MBD5: variants seen among roughly 807,000 people sequenced by gnomAD.
MBD5 encodes the protein methyl-CpG binding domain protein 5, also known as methyl-CpG-binding domain protein 5.
A neutral mutation model predicts 117.3 loss-of-function variants in MBD5; 13 were observed. That is an observed-to-expected ratio of 0.11 (90% CI 0.07 to 0.18). The LOEUF (loss-of-function observed/expected upper bound fraction) is 0.18, where lower values mean the gene tolerates loss of function less well. Ranked by LOEUF, MBD5 falls within the 10% of genes least tolerant of loss-of-function variation. The probability of loss-of-function intolerance (pLI) is 1.00; values close to 1 mark genes in which losing one functional copy is unlikely to be tolerated. For synonymous variants in MBD5, 727 were observed against 766.4 expected (o/e 0.95, Z 0.85); for missense variants, 1,879 against 2,093.8 (o/e 0.90, Z 2.00).
chr2:148,139,136 A>T (rs1697244780), intron 1 of MBD5, among the ~76,000 whole-genome samples: 1 of 152,146 alleles, frequency 6.6e-6, no homozygotes, highest in African/African-American at 2.4e-5. Flanking sequence ...TTATACAGAG[A>T]CTGGGCTCAG....
chr2:148,497,593 G>A (rs1681740774), intron 11 of MBD5, among the ~76,000 whole-genome samples: 1 of 151,992 alleles, frequency 6.6e-6, no homozygotes, highest in South Asian at 2.1e-4. Flanking sequence ...GGAGGCTAAG[G>A]TAGGATGATC....
chr2:148,255,393 A>G (rs1030615715), intron 3 of MBD5, among the ~76,000 whole-genome samples: 1 of 152,168 alleles, frequency 6.6e-6, no homozygotes. Context: ...CCATTCCCCT[A>G]TGAGCAGTCA....
In MBD5 at chr2:148,463,751, G is replaced by T; in HGVS notation, c.229G>T (p.Asp77Tyr). The T allele has an allele frequency of 6.2e-7, 1 of 1,613,464 alleles. No homozygotes were observed. The highest frequency in any genetic ancestry group is 8.5e-7 in the Non-Finnish European group (1 of 1,179,624). ...GTGCTTTTTCCAGGTATTTAATTTT[G>T]ATCCTGGAGCTGCTGTGAAACAGAG... ...PLILPKVFNF[D>Y]PGAAVKQRTA... is the part of the protein sequence containing the mutation. The change falls in exon 7 of 14, where the codon GAT becomes TAT. Residue 77 changes from aspartate to tyrosine, a missense_variant. Asp to Tyr is a radical substitution (Grantham distance 160). Transcript: ENST00000642680.
rs150865866 is a variant in MBD5 at position 148,515,280 on chromosome 2, A to C, written c.*2339A>C. 5.3e-5 allele frequency: 8 copies of C among 152,160 alleles called. No individual in the cohort carries two copies. The East Asian group carries it at 1.5e-3, about 29-fold the overall frequency. 9.4% of individuals were successfully genotyped at this position (152,160 alleles called of 1,614,324 possible). A position where few individuals can be genotyped will look rare whatever the true frequency, so the allele number is the denominator to read the frequency against. On this transcript the variant is annotated 3_prime_UTR_variant, in exon 14 of 14. Coordinates refer to ENST00000642680, the MANE Select transcript of MBD5 (RefSeq NM_001378120.1). ...GCCTTCTTTTTGGTATTTTGAGCTA[A>C]TTCAGTTTGTGCTTCCCTCCCATTG...
At chr2:148,368,694 C>T (rs2105351418) in intron 4 of MBD5, among the ~76,000 whole-genome samples, 1 of 151,946 alleles carries the variant, frequency 6.6e-6, no homozygotes, top group South Asian at 2.1e-4. Context: ...TTATAACACA[C>T]TATATAAAAT....
chr2:148,302,412 A>AG (rs1293716845), intron 3 of MBD5, among the ~76,000 whole-genome samples: 4 of 152,316 alleles, frequency 2.6e-5, no homozygotes, highest in African/African-American at 9.6e-5. Flanking sequence ...TAACCTTTAA[A>AG]GCTACCTAAG....
intron 3 of MBD5, among the ~76,000 whole-genome samples, chr2:148,252,080 G>A (rs559584823): frequency 6.6e-6 from 1 of 152,232 alleles, no homozygotes; most frequent in East Asian, 1.9e-4. Flanking sequence ...GCTATCAAGA[G>A]CGTCCAGGAA....
At chr2:148,020,984 TCCTCC>T, upstream of MBD5, 1 of 152,058 alleles carries the variant, frequency 6.6e-6, no homozygotes. Flanking sequence ...ATAGCTCATT[TCCTCC>T]CCTCCCCCTC....
intron 3 of MBD5, among the ~76,000 whole-genome samples, chr2:148,303,986 G>T (rs150455389): frequency 6.6e-6 from 1 of 152,064 alleles, no homozygotes; most frequent in African/African-American, 2.4e-5. Context: ...AAAGCCTAAC[G>T]CTGATGAACT....
intron 1 of MBD5, among the ~76,000 whole-genome samples, chr2:148,170,516 GTTTTA>G (rs747319131): frequency 6.6e-5 from 10 of 152,104 alleles, no homozygotes; most frequent in East Asian, 5.8e-4. Flanking sequence ...ATTCTTTGCG[GTTTTA>G]TTTTATTTTA....
chr2:148,266,697 A>G (rs1037396119), intron 3 of MBD5, among the ~76,000 whole-genome samples: 1 of 152,114 alleles, frequency 6.6e-6, no homozygotes, highest in Non-Finnish European at 1.5e-5. Flanking sequence ...TCAATAATCA[A>G]TTGATAAAAA....
At chr2:148,478,491 G>A (rs911246012) in intron 8 of MBD5, among the ~76,000 whole-genome samples, 5 of 152,264 alleles carry the variant, frequency 3.3e-5, no homozygotes, top group African/African-American at 1.2e-4. Flanking sequence ...CCAGGAGGCG[G>A]AGGTTGCAGT....
intron 4 of MBD5, among the ~76,000 whole-genome samples, chr2:148,421,327 G>A (rs1216247806): frequency 6.6e-6 from 1 of 152,138 alleles, no homozygotes; most frequent in East Asian, 1.9e-4. Context: ...AAGCGGTCAG[G>A]GTATTTCCCT....
chr2:148,209,298 C>A (rs4972337), intron 2 of MBD5, among the ~76,000 whole-genome samples: 145,583 of 152,184 alleles, frequency 0.96, 69,977 homozygotes, highest in East Asian at 1. Flanking sequence ...AATAATGTTA[C>A]GAGGTGGGAC....
intron 1 of MBD5, among the ~76,000 whole-genome samples, chr2:148,132,034 T>C (rs1311539163): frequency 1.3e-5 from 2 of 152,176 alleles, no homozygotes; most frequent in Admixed American, 6.5e-5. Flanking sequence ...GAAGTCAGAC[T>C]TGAGCTGCAA....
intron 3 of MBD5, among the ~76,000 whole-genome samples, chr2:148,287,886 G>A (rs1348224458): frequency 1.3e-5 from 2 of 152,128 alleles, no homozygotes; most frequent in African/African-American, 2.4e-5. Flanking sequence ...TCTCAACGTT[G>A]TTGCTTTGGG....
intron 2 of MBD5, among the ~76,000 whole-genome samples, chr2:148,222,866 G>A (rs1699724883): frequency 1.3e-5 from 2 of 151,998 alleles, no homozygotes; most frequent in Admixed American, 1.3e-4. Flanking sequence ...TATACAAAAG[G>A]CTTTTAGCTT....
rs373733031 is a variant in MBD5 at position 148,048,109 on chromosome 2, C to T, written c.-925+26425C>T. ...ACTTTGGTGATGATTAATTTAAGTT[C>T]AGATCCTGAAACATTCTGTCTCTGT... is the stretch of plus-strand genomic sequence containing the variant. On this transcript the variant is annotated intron_variant, in intron 1 of 13. Transcript: ENST00000642680. Among the ~76,000 whole-genome samples, 13 of 152,228 alleles carry T rather than the reference C, an allele frequency of 8.5e-5. No individual in the cohort carries two copies. The South Asian group carries it at 2.5e-3, about 29-fold the overall frequency.
chr2:148,359,485 A>G lies in MBD5; in HGVS notation c.-557+17149A>G, dbSNP rs183108109. The stretch of plus-strand genomic sequence containing the variant: ...AATATCAAAATCCTCCTACTATATG[A>G]AAATTTTGGTCCTTTAAAAGGGCAC... On this transcript the variant is annotated intron_variant, in intron 4 of 13. Transcript: ENST00000642680. Among the ~76,000 whole-genome samples the G allele has an allele frequency of 4.1e-3, 627 of 152,266 alleles. 4 individuals are homozygous for G. Among genetic ancestry groups the G allele is most frequent in the Non-Finnish European group, 6.5e-3 (444 of 68,014 alleles).
Sources: allele counts gnomAD v4.1 joint callset (sites outside exome capture counted in the v4.1 genomes callset), GRCh38; gene constraint gnomAD v4.1.1; transcripts MANE v1.5; gene names NCBI Gene and HGNC (gene_info 2026-07-23, HGNC 2026-07-21).